The following MAGI1 variants were observed in gnomAD, a reference collection of about 807,000 sequenced individuals.
MAGI1 encodes membrane associated guanylate kinase, WW and PDZ domain containing 1.
A neutral mutation model predicts 139.9 loss-of-function variants in MAGI1; 58 were observed. The observed-to-expected ratio is 0.41, with a 90% CI of 0.34 to 0.52. The LOEUF is 0.52. Among genes scored for constraint, MAGI1 ranks in the 20% least tolerant of loss-of-function variants. The pLI is 0.12. For synonymous variants in MAGI1, 812 were observed against 737.9 expected (o/e 1.10, Z -1.63); for missense variants, 1,874 against 1,901.6 (o/e 0.99, Z 0.27).
intron 1 of MAGI1, among the ~76,000 whole-genome samples, chr3:65,672,580 A>G (rs769236300): frequency 2.0e-5 from 3 of 152,192 alleles, no homozygotes; most frequent in Non-Finnish European, 4.4e-5. Context: ...GAAGAGGGGG[A>G]AAAACATCCT....
At chr3:65,726,573 T>C (rs1446950404) in intron 1 of MAGI1, among the ~76,000 whole-genome samples, 2 of 152,198 alleles carry the variant, frequency 1.3e-5, no homozygotes, top group Non-Finnish European at 2.9e-5. Context: ...AATGCCACCC[T>C]CAGTTCATTG....
rs1373122864 is a variant in MAGI1, at chr3:65,363,551, G to A, written c.3409C>T (p.Leu1137Phe). 1.2e-6 allele frequency: 2 copies of A among 1,614,062 alleles called. No homozygotes were observed. Among genetic ancestry groups the A allele is most frequent in the African/African-American group, 2.7e-5 (2 of 75,038 alleles). The change falls in exon 21 of 23, where the codon CTT (leucine) becomes TTT (phenylalanine). Residue 1137 changes from leucine to phenylalanine, a missense_variant. Physicochemically the swap from Leu to Phe is conservative, Grantham distance 22. Around this residue, in one of 5 missense-constraint regions of MAGI1, gnomAD observed 653 missense variants for 644.5 expected, o/e 1.01. Transcript: ENST00000402939. ...ERGAKGFGFS[L>F]RGGREYNMDL... ...ATGTTATACTCTCGGCCTCCTCGAA[G>A]GCTAAAGCCAAATCCCTTGGCTCCT...
chr3:65,584,671 C>A (rs1329239967), intron 2 of MAGI1, among the ~76,000 whole-genome samples: 2 of 152,056 alleles, frequency 1.3e-5, no homozygotes, highest in Admixed American at 1.3e-4. Flanking sequence ...GTGTGTGGTA[C>A]AAAGATTATC....
At chr3:65,405,744 G>T (rs927512923) in intron 12 of MAGI1, among the ~76,000 whole-genome samples, 3 of 152,104 alleles carry the variant, frequency 2.0e-5, no homozygotes, top group African/African-American at 7.2e-5. Context: ...ACAGGTGCAC[G>T]TCACCATGCC....
rs747204076 is a variant in MAGI1 at position 65,805,797 on chromosome 3, T to A, written c.314-183709A>T. ...ATCATGTCCTTTGGAGGGACATAGA[T>A]GGAGCTGGAAGCCATCATCCTCAGC... On this transcript the variant is annotated intron_variant, in intron 1 of 22. Transcript: ENST00000402939. 5.5e-4 allele frequency among the ~76,000 whole-genome samples: 84 copies of A among 152,144 alleles called. 1 individual carries two copies. The highest frequency in any genetic ancestry group is 1.6e-4 in the Non-Finnish European group (11 of 68,024).
chr3:65,461,230 T>TA (rs1434808278), intron 5 of MAGI1, among the ~76,000 whole-genome samples: 64 of 152,080 alleles, frequency 4.2e-4, no homozygotes, highest in South Asian at 1.2e-3. Context: ...TTTATTTATT[T>TA]TTTGCGATGG....
chr3:65,525,586 T>C (rs2078343925), intron 2 of MAGI1, among the ~76,000 whole-genome samples: 1 of 152,240 alleles, frequency 6.6e-6, no homozygotes, highest in African/African-American at 2.4e-5. Context: ...GCATCTTTAC[T>C]TTCAACGAAT....
intron 1 of MAGI1, among the ~76,000 whole-genome samples, chr3:65,863,436 T>A (rs556619459): frequency 6.6e-6 from 1 of 152,298 alleles, no homozygotes; most frequent in East Asian, 1.9e-4. Flanking sequence ...TTGTATAGGG[T>A]AAATTTAAAA....
At chr3:65,654,148 T>A (rs544453232) in intron 1 of MAGI1, among the ~76,000 whole-genome samples, 3 of 152,314 alleles carry the variant, frequency 2.0e-5, no homozygotes, top group South Asian at 2.1e-4. Context: ...GACCTAGATA[T>A]AGAATACATG....
At chr3:65,927,153 G>A (rs2062569087) in intron 1 of MAGI1, among the ~76,000 whole-genome samples, 1 of 152,166 alleles carries the variant, frequency 6.6e-6, no homozygotes, top group African/African-American at 2.4e-5. Context: ...TCTGCCTATG[G>A]AGTAGCCATT....
chr3:65,888,745 A>C (rs35168985), intron 1 of MAGI1, among the ~76,000 whole-genome samples: 9,016 of 152,228 alleles, frequency 0.059, 452 homozygotes, highest in African/African-American at 0.14. Context: ...AAAAAAAAGA[A>C]AAAAGCCAGA....
chr3:65,533,702 G>C (rs1164657494), intron 2 of MAGI1, among the ~76,000 whole-genome samples: 1 of 151,946 alleles, frequency 6.6e-6, no homozygotes, highest in Non-Finnish European at 1.5e-5. Context: ...CTTTTAACAA[G>C]ACCAAATATT....
At chr3:65,907,114 G>A (rs1364996490) in intron 1 of MAGI1, among the ~76,000 whole-genome samples, 1 of 150,924 alleles carries the variant, frequency 6.6e-6, no homozygotes, top group Non-Finnish European at 1.5e-5. Flanking sequence ...GAAATGGCTC[G>A]ATGACAAAAT....
At chr3:65,866,390 G>C (rs1383185342) in intron 1 of MAGI1, among the ~76,000 whole-genome samples, 2 of 148,772 alleles carry the variant, frequency 1.3e-5, no homozygotes, top group Non-Finnish European at 3.0e-5. Flanking sequence ...TTTAAGAGGG[G>C]AAAAAAAGCA....
At chr3:65,993,556 A>T (rs2066288507) in intron 1 of MAGI1, among the ~76,000 whole-genome samples, 1 of 152,206 alleles carries the variant, frequency 6.6e-6, no homozygotes, top group Middle Eastern at 3.2e-3. Flanking sequence ...GCCTCCATGG[A>T]CTGAACCCAA....
intron 1 of MAGI1, among the ~76,000 whole-genome samples, chr3:65,937,548 C>T (rs572801153): frequency 6.6e-6 from 1 of 152,040 alleles, no homozygotes; most frequent in South Asian, 2.1e-4. Context: ...CCACAGGCAC[C>T]GGCAGCCTCT....
intron 1 of MAGI1, among the ~76,000 whole-genome samples, chr3:65,783,271 T>C (rs893715497): frequency 3.9e-5 from 6 of 152,186 alleles, no homozygotes; most frequent in East Asian, 1.9e-4. Flanking sequence ...CAGAAGCACA[T>C]GCTCAGCATC....
chr3:66,000,274 C>A (rs1258931330), intron 1 of MAGI1, among the ~76,000 whole-genome samples: 1 of 152,068 alleles, frequency 6.6e-6, no homozygotes, highest in East Asian at 1.9e-4. Context: ...CCGCGCCCAG[C>A]CCTTGTTCCC....
intron 13 of MAGI1, among the ~76,000 whole-genome samples, chr3:65,396,190 A>G: frequency 6.6e-6 from 1 of 152,192 alleles, no homozygotes; most frequent in Non-Finnish European, 1.5e-5. Context: ...ACTGTGAGTA[A>G]CTGGTTGAGA....
Sources: gnomAD v4.1 joint callset for allele counts (sites outside exome capture counted in the v4.1 genomes callset) on GRCh38, gnomAD v4.1.1 for gene constraint, gnomAD v4.1.1 regional missense constraint, MANE v1.5 for transcripts, NCBI Gene and HGNC (gene_info 2026-07-23, HGNC 2026-07-21) for gene names.